The following MYCBP2 variants were observed in gnomAD, a reference collection of about 807,000 sequenced individuals.
The protein encoded by MYCBP2 is E3 ubiquitin-protein ligase MYCBP2.
MYCBP2 carries 120 observed loss-of-function variants against 525.3 expected under a neutral mutation model. The observed-to-expected ratio is 0.23, with a 90% CI of 0.20 to 0.27. MYCBP2 has a LOEUF of 0.27. Ranked by LOEUF, MYCBP2 falls within the 10% of genes least tolerant of loss-of-function variation. MYCBP2 has a pLI of 1.00. For synonymous variants in MYCBP2, 1,894 were observed against 1,955.8 expected (o/e 0.97, Z 0.83); for missense variants, 4,149 against 5,657.1 (o/e 0.73, Z 8.55).
chr13:77,121,643 G>C, intron 54 of MYCBP2, 148 bp from the exon 55 acceptor site: 1 of 712,392 alleles, frequency 1.4e-6, no homozygotes, highest in Admixed American at 3.9e-5. Flanking sequence ...ATACCAGTCA[G>C]GTCATCTTAA....
chr13:77,068,848 C>A lies in MYCBP2; in HGVS notation c.11905-17G>T. 2 of 1,608,800 alleles carry A rather than the reference C, an allele frequency of 1.2e-6. No individual in the cohort carries two copies. Among genetic ancestry groups the A allele is most frequent in the South Asian group, 2.2e-5 (2 of 90,754 alleles). On this transcript the variant is annotated splice_polypyrimidine_tract_variant and intron_variant, in intron 69 of 82. Transcript: ENST00000544440. ...AGCACACACCTATTTAAAGTTAACA[C>A]AGAACATGTAAAAATATAGGGTTAG... is the stretch of plus-strand genomic sequence containing the variant.
chr13:77,286,773 AAAAAAAAAAAAAAAAAAT>A (rs1439773806), intron 3 of MYCBP2, among the ~76,000 whole-genome samples: 1 of 96,472 alleles, frequency 1.0e-5, no homozygotes, highest in African/African-American at 4.6e-5. Flanking sequence ...AAAAAAAAAA[AAAAAAAAAAAAAAAAAAT>A]ATATATATAT....
At chr13:77,319,181 C>G (rs1449574611) in intron 1 of MYCBP2, among the ~76,000 whole-genome samples, 1 of 152,050 alleles carries the variant, frequency 6.6e-6, no homozygotes, top group Non-Finnish European at 1.5e-5. Flanking sequence ...ACTAGGTGTT[C>G]TTGTGACTTA....
intron 26 of MYCBP2, among the ~76,000 whole-genome samples, chr13:77,195,479 C>T (rs1002331409): frequency 6.6e-6 from 1 of 152,124 alleles, no homozygotes; most frequent in Non-Finnish European, 1.5e-5. Context: ...TGCCTGTAGT[C>T]CCAGCTACTC....
rs142925528 is a variant in MYCBP2 at position 77,233,215 on chromosome 13, G to A, written c.2678C>T (p.Ala893Val). Residue 893 changes from alanine to valine, a missense_variant, in exon 18 of 83, where the codon GCT becomes GTT. Physicochemically the swap from Ala to Val is moderately conservative, Grantham distance 64. Coordinates refer to ENST00000544440, the MANE Select transcript of MYCBP2 (RefSeq NM_015057.5). ...TGGATGGGATCTGAGTCTGGCTAGA[G>A]CCTGTTCTCGATGGTTCATAAAAAT... ...GPIFMNHREQ[A>V]LARLRSHPAQ... 1.2e-5 allele frequency: 19 copies of A among 1,613,736 alleles called. No homozygotes were observed. The highest frequency in any genetic ancestry group is 1.5e-5 in the Non-Finnish European group (18 of 1,179,822).
intron 22 of MYCBP2, among the ~76,000 whole-genome samples, chr13:77,211,730 A>G (rs1593951749): frequency 6.6e-6 from 1 of 152,312 alleles, no homozygotes; most frequent in East Asian, 1.9e-4. Context: ...TAGTTCTACC[A>G]CTGTCTAGCT....
rs1286355782 is a variant in MYCBP2 at position 77,097,442 on chromosome 13, C to T, written c.9712G>A (p.Asp3238Asn). The T allele has an allele frequency of 6.2e-7, 1 of 1,613,612 alleles. No homozygotes were observed. ...AQLAVGGPEKDTICELCGESH... is the reference protein window; with the variant it reads ...AQLAVGGPEKNTICELCGESH... ...TCCCCACACAGTTCACAGATGGTAT[C>T]TTTCTCTGGTCCTCCTACTGCCAGC... Residue 3238 changes from aspartate (D) to asparagine (N), a missense_variant, in exon 56 of 83, where the codon GAT becomes AAT. Around this residue, in one of 21 missense-constraint regions of MYCBP2, gnomAD observed 653 missense variants for 744.7 expected, o/e 0.88. Transcript: ENST00000544440.
Position 77,144,477 on chromosome 13 carries a change from G to T in MYCBP2, c.7271C>A (p.Thr2424Asn). 1 of 1,613,450 alleles carries T rather than the reference G, an allele frequency of 6.2e-7. No individual in the cohort carries two copies. Residue 2424 changes from threonine to asparagine, a missense_variant, in exon 49 of 83, where the codon ACT becomes AAT. By Grantham distance (65) the Thr-to-Asn change is moderately conservative. Coordinates refer to ENST00000544440, the MANE Select transcript of MYCBP2 (RefSeq NM_015057.5). Reference sequence around the variant, plus strand: ...AATGCCATCAATGGTAACATGAAGAGTGTAGAGTCCAATAGCCCCTGGAGT... The same window carrying T: ...AATGCCATCAATGGTAACATGAAGATTGTAGAGTCCAATAGCCCCTGGAGT... ...NWTPGAIGLY[T>N]LHVTIDGIEI...
chr13:77,286,794 ATATATATATAT>A (rs1436133779), intron 3 of MYCBP2, among the ~76,000 whole-genome samples: 16 of 105,284 alleles, frequency 1.5e-4, no homozygotes, highest in Admixed American at 1.3e-3. Flanking sequence ...AAAAAAATAT[ATATATATATAT>A]ATATATATAT....
intron 52 of MYCBP2, among the ~76,000 whole-genome samples, chr13:77,131,609 A>G (rs938323522): frequency 1.3e-5 from 2 of 152,122 alleles, no homozygotes; most frequent in African/African-American, 4.8e-5. Context: ...GGAAAATGTT[A>G]ATTTTTCCAA....
chr13:77,224,664 A>G (rs1468152528), intron 19 of MYCBP2, 132 bp from the exon 20 acceptor site: 1 of 515,680 alleles, frequency 1.9e-6, no homozygotes, highest in African/African-American at 2.0e-5. Flanking sequence ...ACTGAAGGAC[A>G]AATTTGTATT....
intron 44 of MYCBP2, among the ~76,000 whole-genome samples, chr13:77,160,084 G>A (rs1417970869): frequency 1.7e-5 from 1 of 57,732 alleles, no homozygotes; most frequent in Non-Finnish European, 3.6e-5. Context: ...TTTTTTTTTT[G>A]AGACGGCGTT....
rs779520181 is a variant in MYCBP2, at chr13:77,326,700, C to T, written c.76G>A (p.Ala26Thr). 5 of 1,436,514 alleles carry T rather than the reference C, an allele frequency of 3.5e-6. No homozygotes were observed. Among genetic ancestry groups the T allele is most frequent in the Admixed American group, 3.1e-5 (1 of 32,102 alleles). 89.0% of individuals were successfully genotyped at this position (1,436,514 alleles called of 1,614,324 possible). A position where few individuals can be genotyped will look rare whatever the true frequency, so the allele number is the denominator to read the frequency against. Reference sequence around the variant, plus strand: ...GGCGCCGGGGAGGAAGAGAAGGTGGCGGCTGGGTAGAATCCGTCCCCGCCG... The same window carrying T: ...GGCGCCGGGGAGGAAGAGAAGGTGGTGGCTGGGTAGAATCCGTCCCCGCCG... The part of the protein sequence containing the change: ...GLGGDGFYPA[A>T]TFSSSPAPGA... Residue 26 changes from alanine (A) to threonine (T), a missense_variant, in exon 1 of 83, where the codon GCC becomes ACC. This residue lies in a region of MYCBP2 where 413 missense variants were observed against 451.2 expected (regional missense o/e 0.92). Coordinates refer to ENST00000544440, the MANE Select transcript of MYCBP2 (RefSeq NM_015057.5). The surrounding 1 kb of genome is among the most constrained non-coding windows in gnomAD (Gnocchi z 4.2).
At position 77,317,893 on chromosome 13, in the gene MYCBP2, C is replaced by T. The variant is rs527420537; in HGVS notation, c.302+8581G>A. On this transcript the variant is annotated intron_variant, in intron 1 of 82. Transcript: ENST00000544440. ...CGGAGGTTGCAGTCAGCTGAGATCA[C>T]GCCATTGCACTCCAGCTTGGGCAAC... Among the ~76,000 whole-genome samples, 4 of 152,128 alleles carry T rather than the reference C, an allele frequency of 2.6e-5. No homozygotes were observed. The South Asian group carries it at 6.2e-4, about 24-fold the overall frequency.
chr13:77,177,334 C>CTT (rs748460042), intron 35 of MYCBP2, among the ~76,000 whole-genome samples: 67 of 122,876 alleles, frequency 5.5e-4, no homozygotes, highest in African/African-American at 9.0e-4. Flanking sequence ...TCTTTTCTTT[C>CTT]TTTTTTTTTT....
intron 39 of MYCBP2, among the ~76,000 whole-genome samples, 193 bp from the exon 40 acceptor site, chr13:77,168,839 A>G (rs1181228949): frequency 6.6e-6 from 1 of 152,242 alleles, no homozygotes; most frequent in Non-Finnish European, 1.5e-5. Context: ...GACAATATCT[A>G]AATCTATATT....
intron 50 of MYCBP2, 101 bp downstream of exon 50, chr13:77,140,745 T>C: frequency 1.2e-6 from 1 of 847,438 alleles, no homozygotes; most frequent in Admixed American, 2.4e-5. Context: ...ATTCAAGTCC[T>C]GAAATCAAGT....
rs1660957304 is a variant in MYCBP2 at position 77,140,055 on chromosome 13, T to C, written c.7510A>G (p.Ile2504Val). 3 of 1,599,874 alleles carry C rather than the reference T, an allele frequency of 1.9e-6. No homozygotes were observed. The highest frequency in any genetic ancestry group is 1.7e-6 in the Non-Finnish European group (2 of 1,174,954). The change falls in exon 51 of 83, where the codon ATT (isoleucine) becomes GTT (valine). Residue 2504 changes from isoleucine (I) to valine (V), a missense_variant. By Grantham distance (29) the Ile-to-Val change is conservative. Coordinates refer to ENST00000544440, the MANE Select transcript of MYCBP2 (RefSeq NM_015057.5). ...IVKVNGTITF[I>V]DEIHNDDGVW... The stretch of plus-strand genomic sequence containing the variant: ...GCTCCTTTATCAATTACCTCATCAA[T>C]AAAAGTGATAGTTCCATTGACTTTC...
intron 1 of MYCBP2, among the ~76,000 whole-genome samples, chr13:77,312,402 G>A (rs894409830): frequency 6.6e-6 from 1 of 152,134 alleles, no homozygotes; most frequent in African/African-American, 2.4e-5. Context: ...GTTTGGTGAT[G>A]TTTGCCAAGT....
Sources: gnomAD v4.1 joint callset for allele counts (sites outside exome capture counted in the v4.1 genomes callset) on GRCh38, gnomAD v4.1.1 for gene constraint, gnomAD v4.1.1 regional missense constraint, Gnocchi (gnomAD v3.1) non-coding constraint, MANE v1.5 for transcripts, NCBI Gene and HGNC (gene_info 2026-07-23, HGNC 2026-07-21) for gene names.